Variants in ADAMTS17 observed in about 807,000 individuals in gnomAD.
ADAMTS17 encodes ADAM metallopeptidase with thrombospondin type 1 motif 17.
ADAMTS17 carries 113 observed loss-of-function variants against 141.5 expected under a neutral mutation model. That is an observed-to-expected ratio of 0.80 (90% confidence interval 0.69 to 0.93). The LOEUF is 0.93. Ranked by LOEUF, ADAMTS17 falls within the 40% of genes least tolerant of loss-of-function variation. The pLI is 0.00. For synonymous variants in ADAMTS17, 768 were observed against 630.6 expected, an observed-to-expected ratio of 1.22 and a Z score of -3.27; for missense variants, 1,659 against 1,517.9, an observed-to-expected ratio of 1.09 and a Z score of -1.54.
At chr15:100,119,866 C>T (rs553782324) in intron 12 of ADAMTS17, among the ~76,000 whole-genome samples, 1 of 152,226 alleles carries the variant, frequency 6.6e-6, no homozygotes, top group Non-Finnish European at 1.5e-5. Context: ...TTTGAGGCCA[C>T]CTCCACCCTA....
intron 3 of ADAMTS17, among the ~76,000 whole-genome samples, chr15:100,288,224 T>G (rs956734641): frequency 2.6e-5 from 4 of 152,142 alleles, no homozygotes; most frequent in Admixed American, 1.3e-4. Context: ...CTATTCTAAT[T>G]TCAGACAAAA....
chr15:100,082,791 C>G (rs192626447), intron 15 of ADAMTS17, among the ~76,000 whole-genome samples: 6 of 91,258 alleles, frequency 6.6e-5, no homozygotes, highest in African/African-American at 2.6e-4. Context: ...TTCAGTTCAT[C>G]TTGGTTTTTC....
intron 3 of ADAMTS17, among the ~76,000 whole-genome samples, chr15:100,300,940 G>T (rs1057252873): frequency 5.3e-5 from 8 of 152,140 alleles, no homozygotes; most frequent in African/African-American, 9.7e-5. Context: ...CTCACTATTT[G>T]TCATCATTTA....
chr15:100,199,497 T>A lies in ADAMTS17; in HGVS notation c.1076-74A>T, dbSNP rs963650610. 1.6e-5 allele frequency: 20 copies of A among 1,236,702 alleles called. No homozygotes were observed. In the African/African-American group the frequency reaches 2.7e-4, roughly 16 times the overall value. 76.6% of individuals were successfully genotyped at this position (1,236,702 alleles called of 1,614,324 possible). On this transcript the variant is annotated intron_variant, in intron 7 of 21. Coordinates refer to ENST00000268070, the MANE Select transcript of ADAMTS17 (RefSeq NM_139057.4). ...GGTCTCACCGGGCAAGTCCGCACGG[T>A]CAACGTCATGCACAATCAAGGCAGG...
At chr15:100,102,834 AGT>A (rs539668473) in intron 14 of ADAMTS17, among the ~76,000 whole-genome samples, 40 of 152,166 alleles carry the variant, frequency 2.6e-4, no homozygotes, top group Admixed American at 5.2e-4. Context: ...TCAAGCTCTG[AGT>A]GTGGGATCAG....
At chr15:100,149,613 C>T (rs1227922382) in intron 10 of ADAMTS17, among the ~76,000 whole-genome samples, 1 of 152,152 alleles carries the variant, frequency 6.6e-6, no homozygotes, top group Admixed American at 6.5e-5. Flanking sequence ...GGCTTATACC[C>T]TTTCTCTCTT....
chr15:100,273,996 C>G (rs2043997754), intron 4 of ADAMTS17, among the ~76,000 whole-genome samples: 1 of 152,062 alleles, frequency 6.6e-6, no homozygotes, highest in Non-Finnish European at 1.5e-5. Flanking sequence ...TTCCAGTTTT[C>G]CTTCTGTTAC....
chr15:100,233,083 C>G (rs535252131), intron 7 of ADAMTS17, among the ~76,000 whole-genome samples: 1 of 152,322 alleles, frequency 6.6e-6, no homozygotes, highest in African/African-American at 2.4e-5. Flanking sequence ...AATCCTAGCA[C>G]TTTGGGAGGC....
At position 100,303,151 on chromosome 15, in the gene ADAMTS17, C is replaced by T. The variant is rs1415129010; in HGVS notation, c.617-21750G>A. Among the ~76,000 whole-genome samples the T allele has an allele frequency of 2.1e-5, 3 of 144,986 alleles. No homozygotes were observed. In the Admixed American group the frequency reaches 2.1e-4, roughly 10 times the overall value. On this transcript the variant is annotated intron_variant, in intron 3 of 21. Coordinates refer to ENST00000268070, the MANE Select transcript of ADAMTS17 (RefSeq NM_139057.4). ...ATATATATTTATATTTATATATAAA[C>T]TATATATAAAAATATAAAAATTTAT...
intron 7 of ADAMTS17, among the ~76,000 whole-genome samples, chr15:100,220,756 G>A (rs1244180314): frequency 1.3e-5 from 2 of 152,092 alleles, no homozygotes; most frequent in African/African-American, 4.8e-5. Context: ...TCACCTAATG[G>A]AATCACACGA....
chr15:100,123,476 C>T (rs150775387), intron 12 of ADAMTS17, among the ~76,000 whole-genome samples: 51 of 152,274 alleles, frequency 3.3e-4, no homozygotes, highest in African/African-American at 1.2e-3. Flanking sequence ...TCCAAGGCTC[C>T]GAGGTCCCAT....
Position 99,997,143 on chromosome 15 carries a change from G to A in ADAMTS17, c.2796+242C>T, listed in dbSNP as rs528179828. Among the ~76,000 whole-genome samples, 12 of 152,342 alleles carry A rather than the reference G, an allele frequency of 7.9e-5. No homozygotes were observed. The highest frequency in any genetic ancestry group is 1.5e-4 in the Non-Finnish European group (10 of 68,032). Reference sequence around the variant, plus strand: ...CTATCTTGATGTGAGAATTTTCATAGGAAATGGGATCAAACAGTCCTTCAC... The same window carrying A: ...CTATCTTGATGTGAGAATTTTCATAAGAAATGGGATCAAACAGTCCTTCAC... On this transcript the variant is annotated intron_variant, in intron 19 of 21. Transcript: ENST00000268070. The surrounding 1 kb of genome is among the most constrained non-coding windows in gnomAD (Gnocchi z 4.7).
Position 99,975,957 on chromosome 15 carries a change from T to A in ADAMTS17, c.3127+88A>T, listed in dbSNP as rs2060314515. The A allele has an allele frequency of 2.1e-6, 3 of 1,413,810 alleles. No homozygotes were observed. The Admixed American group carries it at 7.2e-5, about 34-fold the overall frequency. The allele number at this position is 1,413,810 out of a possible 1,614,324, so 87.6% of individuals were successfully genotyped here. On this transcript the variant is annotated intron_variant, in intron 21 of 21. Coordinates refer to ENST00000268070, the MANE Select transcript of ADAMTS17 (RefSeq NM_139057.4). ...AAGTGAGGCCCAAGAAGGGGCTTTCTGGCTGAAAGAACCTCACCGTCAGGG... is the reference window on the plus strand; with the variant it reads ...AAGTGAGGCCCAAGAAGGGGCTTTCAGGCTGAAAGAACCTCACCGTCAGGG...
chr15:100,000,336 GT>G (rs2060894412), intron 18 of ADAMTS17, among the ~76,000 whole-genome samples: 1 of 152,120 alleles, frequency 6.6e-6, no homozygotes, highest in Non-Finnish European at 1.5e-5. Flanking sequence ...TCCCCTTTAA[GT>G]TTTCTCTTCT....
chr15:99,974,163 A>G lies in ADAMTS17; in HGVS notation c.*239T>C. ...CTTCGAGGTACCTGAAATCCTAGAAATTGAAGTTACTTTGTGACTCATGCC... is the reference window on the plus strand; with the variant it reads ...CTTCGAGGTACCTGAAATCCTAGAAGTTGAAGTTACTTTGTGACTCATGCC... On this transcript the variant is annotated 3_prime_UTR_variant, in exon 22 of 22. Transcript: ENST00000268070. 1 of 571,662 alleles carries G rather than the reference A, an allele frequency of 1.7e-6. No homozygotes were observed. Among genetic ancestry groups the G allele is most frequent in the Non-Finnish European group, 3.1e-6 (1 of 320,040 alleles). 35.4% of individuals were successfully genotyped at this position (571,662 alleles called of 1,614,324 possible). A position where few individuals can be genotyped will look rare whatever the true frequency, so the allele number is the denominator to read the frequency against.
At chr15:100,147,158 A>G (rs1216773349) in intron 10 of ADAMTS17, among the ~76,000 whole-genome samples, 1 of 152,098 alleles carries the variant, frequency 6.6e-6, no homozygotes, top group Non-Finnish European at 1.5e-5. Flanking sequence ...CTTGGGGGGC[A>G]TCATGGAACC....
chr15:100,104,596 A>C (rs919433549), intron 14 of ADAMTS17, among the ~76,000 whole-genome samples: 8 of 152,166 alleles, frequency 5.3e-5, no homozygotes, highest in Non-Finnish European at 1.5e-5. Context: ...AAAATAGCAC[A>C]ATTTATAGCT....
chr15:100,072,424 AC>A, intron 15 of ADAMTS17, among the ~76,000 whole-genome samples: 1 of 149,878 alleles, frequency 6.7e-6, no homozygotes, highest in Non-Finnish European at 1.5e-5. Flanking sequence ...TTCCTATGGA[AC>A]CAAAAAAGAG....
At chr15:99,988,613 A>C (rs2060635061) in intron 20 of ADAMTS17, among the ~76,000 whole-genome samples, 1 of 152,250 alleles carries the variant, frequency 6.6e-6, no homozygotes, top group Admixed American at 6.5e-5. Context: ...ACAGCTTGTC[A>C]AACGGGCTGT....
Sources: allele counts gnomAD v4.1 joint callset (sites outside exome capture counted in the v4.1 genomes callset), GRCh38; gene constraint gnomAD v4.1.1; non-coding constraint Gnocchi (gnomAD v3.1); transcripts MANE v1.5; gene names NCBI Gene and HGNC (gene_info 2026-07-23, HGNC 2026-07-21).